The following TRPV5 variants were observed in gnomAD, a reference collection of about 807,000 sequenced individuals.
TRPV5 encodes the protein transient receptor potential cation channel subfamily V member 5.
A neutral mutation model predicts 74.1 loss-of-function variants in TRPV5; 66 were observed. The observed-to-expected ratio is 0.89, with a 90% CI of 0.73 to 1.09. The LOEUF (loss-of-function observed/expected upper bound fraction) is 1.09, where lower values mean the gene tolerates loss of function less well. Ranked by LOEUF, TRPV5 falls within the 50% of genes least tolerant of loss-of-function variation. TRPV5 has a pLI of 0.00. For missense variants in TRPV5, 936 were observed against 930.4 expected, an observed-to-expected ratio of 1.01 and a Z score of -0.08; for synonymous variants, 399 against 360.7, an observed-to-expected ratio of 1.11 and a Z score of -1.20.
At chr7:142,927,295 G>A (rs1395557768) in intron 7 of TRPV5, among the ~76,000 whole-genome samples, 3 of 152,152 alleles carry the variant, frequency 2.0e-5, no homozygotes, top group African/African-American at 7.2e-5. Context: ...CAATTATTCA[G>A]GACAGGGACT....
In TRPV5 at chr7:142,908,502, T is replaced by C. The variant is rs1795646534; in HGVS notation, c.*12A>G. 2 of 1,613,562 alleles carry C rather than the reference T, an allele frequency of 1.2e-6. No individual in the cohort carries two copies. The highest frequency in any genetic ancestry group is 8.5e-7 in the Non-Finnish European group (1 of 1,179,498). On this transcript the variant is annotated 3_prime_UTR_variant, in exon 15 of 15. Coordinates refer to ENST00000265310, the MANE Select transcript of TRPV5 (RefSeq NM_019841.7). ...CAACCGGGAGTAAGGTCAAGAGTGA[T>C]AGCGATGTTAATCAAAAATGGTAGA...
At chr7:142,914,774 A>G in intron 11 of TRPV5, 68 bp from the exon 12 acceptor site, 1 of 1,608,526 alleles carries the variant, frequency 6.2e-7, no homozygotes, top group Non-Finnish European at 8.5e-7. Context: ...AGCTAACGCT[A>G]ACAGATCAAG....
chr7:142,914,852 G>A (rs1410205545), intron 11 of TRPV5, 29 bp downstream of exon 11: 2 of 1,613,082 alleles, frequency 1.2e-6, no homozygotes, highest in South Asian at 2.2e-5. Flanking sequence ...TTGTGCCTGA[G>A]GCGGAGGAAG....
rs1277651940 is a variant in TRPV5 at position 142,914,660 on chromosome 7, A to C, written c.1499T>G (p.Val500Gly). 8 of 1,613,754 alleles carry C rather than the reference A, an allele frequency of 5.0e-6. No homozygotes were observed. In the East Asian group the frequency reaches 1.8e-4, roughly 36 times the overall value. Residue 500 changes from valine to glycine, a missense_variant, in exon 12 of 15, where the codon GTC becomes GGC. Transcript: ENST00000265310. ...LMRFCWLMAV[V>G]ILGFASAFYI... ...CTTACCGGAGGCAAATCCCAAGATG[A>C]CCACAGCCATCAGCCAGCAGAAACG...
chr7:142,933,511 G>C lies in TRPV5; in HGVS notation c.-52C>G. 1.9e-6 allele frequency: 3 copies of C among 1,581,664 alleles called. No homozygotes were observed. Among genetic ancestry groups the C allele is most frequent in the Non-Finnish European group, 2.6e-6 (3 of 1,165,252 alleles). On this transcript the variant is annotated 5_prime_UTR_variant, in exon 1 of 15. Transcript: ENST00000265310. Reference sequence around the variant, plus strand: ...TTATAGAAATGTGGCGAAAGAAACAGGTCTAGGATGACAGCAACTGAGCAA... The same window carrying C: ...TTATAGAAATGTGGCGAAAGAAACACGTCTAGGATGACAGCAACTGAGCAA...
At chr7:142,927,098 C>T (rs1033300639) in intron 7 of TRPV5, among the ~76,000 whole-genome samples, 4 of 151,970 alleles carry the variant, frequency 2.6e-5, no homozygotes, top group Non-Finnish European at 4.4e-5. Flanking sequence ...TACGTTGCTC[C>T]CTCTCTAAAA....
At chr7:142,928,313 A>G (rs1001622458) in intron 6 of TRPV5, 79 bp from the exon 7 acceptor site, 7 of 1,497,642 alleles carry the variant, frequency 4.7e-6, no homozygotes, top group Non-Finnish European at 6.5e-6. Context: ...GGATGGAGCC[A>G]GTTGCCCACC....
chr7:142,911,048 T>C (rs1795694384), intron 13 of TRPV5, among the ~76,000 whole-genome samples: 1 of 152,178 alleles, frequency 6.6e-6, no homozygotes, highest in South Asian at 2.1e-4. Flanking sequence ...GGAAAGATGT[T>C]CTTTTAAAGC....
Position 142,928,957 on chromosome 7 carries a change from C to T in TRPV5, c.586+65G>A, listed in dbSNP as rs1796037973. ...TGGGGTCTTCCTAAAGGTCCCAGCT[C>T]CACTCCTTACCCTGTCCCTCGCTCC... On this transcript the variant is annotated intron_variant, in intron 5 of 14. Transcript: ENST00000265310. The T allele has an allele frequency of 1.9e-6, 3 of 1,612,364 alleles. No individual in the cohort carries two copies. In the East Asian group the frequency reaches 6.7e-5, roughly 36 times the overall value.
intron 1 of TRPV5, among the ~76,000 whole-genome samples, chr7:142,932,630 G>T (rs1314405066): frequency 6.6e-6 from 1 of 152,106 alleles, no homozygotes; most frequent in East Asian, 1.9e-4. Flanking sequence ...GCAGCCCACA[G>T]GATTCGTCCC....
chr7:142,920,529 G>T (rs546928343), intron 8 of TRPV5, among the ~76,000 whole-genome samples: 1 of 151,826 alleles, frequency 6.6e-6, no homozygotes, highest in African/African-American at 2.4e-5. Context: ...GCAAGCCCTG[G>T]CTAGCCAATA....
intron 13 of TRPV5, 102 bp from the exon 14 acceptor site, chr7:142,909,698 T>G (rs982924814): frequency 7.2e-6 from 9 of 1,258,364 alleles, no homozygotes; most frequent in Admixed American, 2.0e-5. Flanking sequence ...ATCTGTGAGA[T>G]AGGACACTAG....
intron 4 of TRPV5, 49 bp downstream of exon 4, chr7:142,929,379 T>G (rs538774229): frequency 1.3e-6 from 2 of 1,598,164 alleles, no homozygotes; most frequent in Non-Finnish European, 1.7e-6. Context: ...TCCCTCTGCC[T>G]TGCCCGCCTC....
At position 142,925,687 on chromosome 7, in the gene TRPV5, T is replaced by C. The variant is rs1298178258; in HGVS notation, c.964A>G (p.Asn322Asp). The C allele has an allele frequency of 1.2e-6, 2 of 1,614,028 alleles. No homozygotes were observed. The highest frequency in any genetic ancestry group is 1.3e-5 in the African/African-American group (1 of 74,904). The change falls in exon 8 of 15, where the codon AAC becomes GAC. Residue 322 changes from asparagine (N) to aspartate (D), a missense_variant. Coordinates refer to ENST00000265310, the MANE Select transcript of TRPV5 (RefSeq NM_019841.7). Reference sequence around the variant, plus strand: ...CAGAAGTACGGCCGGCCATACTTGTTCCACTTGAAGCTCACCAGCTCCTTC... The same window carrying C: ...CAGAAGTACGGCCGGCCATACTTGTCCCACTTGAAGCTCACCAGCTCCTTC... ...PVKELVSFKW[N>D]KYGRPYFCIL...
chr7:142,915,411 A>G (rs1237919514), intron 9 of TRPV5, 28 bp from the exon 10 acceptor site: 14 of 1,608,824 alleles, frequency 8.7e-6, no homozygotes, highest in Non-Finnish European at 1.2e-5. Context: ...AAGCAAAAAT[A>G]CAATGTGGAC....
At position 142,915,050 on chromosome 7, in the gene TRPV5, G is replaced by A. The variant is rs971470561; in HGVS notation, c.1287-4C>T. 6.2e-7 allele frequency: 1 copy of A among 1,613,344 alleles called. No homozygotes were observed. The highest frequency in any genetic ancestry group is 1.7e-5 in the Admixed American group (1 of 59,918). On this transcript the variant is annotated splice_polypyrimidine_tract_variant and splice_region_variant and intron_variant, in intron 10 of 14. Coordinates refer to ENST00000265310, the MANE Select transcript of TRPV5 (RefSeq NM_019841.7). ...CACCAGGGAGGCATAGGTGATGCTG[G>A]GGGAGCAGAAAGCAGAGAGTGAGAG...
rs766468509 is a variant in TRPV5 at position 142,912,545 on chromosome 7, G to A, written c.1725C>T (p.Ile575=). 29 of 1,614,120 alleles carry A rather than the reference G, an allele frequency of 1.8e-5. No individual in the cohort carries two copies. The highest frequency in any genetic ancestry group is 3.3e-5 in the South Asian group (3 of 91,086). The change falls in exon 13 of 15, where the codon ATC becomes ATT. Residue 575 remains isoleucine (I), a synonymous_variant. Coordinates refer to ENST00000265310, the MANE Select transcript of TRPV5 (RefSeq NM_019841.7). ...IATLLMLNLF[I]AMMGDTHWRV... ...TCCAGTGGGTGTCGCCCATCATGGC[G>A]ATGAACAAGTTGAGCATGAGCAGTG...
chr7:142,932,220 A>G (rs1276423703), intron 1 of TRPV5, among the ~76,000 whole-genome samples: 1 of 152,114 alleles, frequency 6.6e-6, no homozygotes, highest in Non-Finnish European at 1.5e-5. Flanking sequence ...CTGCACAAAC[A>G]AAGTCCTTGC....
At chr7:142,932,236 T>G (rs1358222161) in intron 1 of TRPV5, among the ~76,000 whole-genome samples, 2 of 152,138 alleles carry the variant, frequency 1.3e-5, no homozygotes, top group Non-Finnish European at 2.9e-5. Flanking sequence ...CTTGCCTCCC[T>G]GGCCCTCTAT....
Sources: gnomAD v4.1 joint callset for allele counts (sites outside exome capture counted in the v4.1 genomes callset) on GRCh38, gnomAD v4.1.1 for gene constraint, MANE v1.5 for transcripts, NCBI Gene and HGNC (gene_info 2026-07-23, HGNC 2026-07-21) for gene names.